Variants in IVNS1ABP observed in about 807,000 individuals in gnomAD.
IVNS1ABP encodes the protein influenza virus NS1A-binding protein.
Under a neutral mutation model 78.9 loss-of-function variants are expected in IVNS1ABP, and 25 were observed. That is an observed-to-expected ratio of 0.32 (90% CI 0.23 to 0.44). The LOEUF (loss-of-function observed/expected upper bound fraction) is 0.44. IVNS1ABP is among the 20% of genes least tolerant of loss of function. The pLI, the probability that IVNS1ABP is intolerant of heterozygous loss-of-function variation, is 1.00. For synonymous variants in IVNS1ABP, 241 were observed against 259.7 expected (o/e 0.93, Z 0.69); for missense variants, 494 against 768.9 (o/e 0.64, Z 4.23).
chr1:185,307,178 G>C, intron 6 of IVNS1ABP, 39 bp from the exon 7 acceptor site: 1 of 1,606,006 alleles, frequency 6.2e-7, no homozygotes, highest in East Asian at 2.2e-5. Context: ...TCAGTGTTGG[G>C]CTCCTAGTTC....
intron 1 of IVNS1ABP, 129 bp downstream of exon 1, chr1:185,316,824 G>C (rs1016601241): frequency 2.8e-5 from 11 of 393,196 alleles, no homozygotes; most frequent in Middle Eastern, 6.3e-4. Context: ...GCTTGGGGCT[G>C]CCTCCCCTGA....
Position 185,311,107 on chromosome 1 carries a change from T to C in IVNS1ABP, c.-31A>G, listed in dbSNP as rs9803724. On this transcript the variant is annotated 5_prime_UTR_variant, in exon 2 of 15. Transcript: ENST00000367498. The stretch of plus-strand genomic sequence containing the variant: ...AACATTCACTTACCTACTCTGTTGG[T>C]GGCAAATGTATTTCTGGGAACTCTT... 2.7e-6 allele frequency: 1 copy of C among 370,588 alleles called. No individual in the cohort carries two copies. The highest frequency in any genetic ancestry group is 4.8e-6 in the Non-Finnish European group (1 of 207,920). 23.0% of individuals were successfully genotyped at this position (370,588 alleles called of 1,614,324 possible).
intron 1 of IVNS1ABP, among the ~76,000 whole-genome samples, chr1:185,316,334 GCC>G (rs1386644358): frequency 6.6e-6 from 1 of 151,224 alleles, no homozygotes; most frequent in Non-Finnish European, 1.5e-5. Flanking sequence ...CCCTCCTCCC[GCC>G]CCCTTCTCCC....
At position 185,316,940 on chromosome 1, in the gene IVNS1ABP, C is replaced by T. The variant is rs1666049914; in HGVS notation, c.-247+13G>A. The T allele has an allele frequency of 2.5e-6, 1 of 398,358 alleles. No individual in the cohort carries two copies. Among genetic ancestry groups the T allele is most frequent in the South Asian group, 1.3e-4 (1 of 7,786 alleles). 24.7% of individuals were successfully genotyped at this position (398,358 alleles called of 1,614,324 possible). ...CTCCCTCATCTGTCGTTCGTAGAAC[C>T]AGCGCGTATTACCTGGTTCATCTCT... On this transcript the variant is annotated intron_variant, in intron 1 of 14. Coordinates refer to ENST00000367498, the MANE Select transcript of IVNS1ABP (RefSeq NM_006469.5).
Position 185,309,524 on chromosome 1 carries a change from A to T in IVNS1ABP, c.-18-13T>A. 7.6e-7 allele frequency: 1 copy of T among 1,312,722 alleles called. No homozygotes were observed. Among genetic ancestry groups the T allele is most frequent in the East Asian group, 2.3e-5 (1 of 43,352 alleles). 81.3% of individuals were successfully genotyped at this position (1,312,722 alleles called of 1,614,324 possible). A position where few individuals can be genotyped will look rare whatever the true frequency, so the allele number is the denominator to read the frequency against. On this transcript the variant is annotated splice_polypyrimidine_tract_variant and intron_variant, in intron 2 of 14. Coordinates refer to ENST00000367498, the MANE Select transcript of IVNS1ABP (RefSeq NM_006469.5). ...CTTATAAATTTGGCTAGATGATGAA[A>T]AGAAAGCTGAGTTATTTTACTTGCA...
chr1:185,296,718 G>C lies in IVNS1ABP; in HGVS notation c.*1317C>G, dbSNP rs1665428245. 6.6e-6 allele frequency: 1 copy of C among 152,080 alleles called. No individual in the cohort carries two copies. Among genetic ancestry groups the C allele is most frequent in the South Asian group, 2.1e-4 (1 of 4,816 alleles). The allele number at this position is 152,080 out of a possible 1,614,324, so 9.4% of individuals were successfully genotyped here. Reference sequence around the variant, plus strand: ...TCACCTCATCCCAGTTGGCCCATTAGGTTCCTGTGTGCTTCATCTTCTGTG... The same window carrying C: ...TCACCTCATCCCAGTTGGCCCATTACGTTCCTGTGTGCTTCATCTTCTGTG... On this transcript the variant is annotated 3_prime_UTR_variant, in exon 15 of 15. Transcript: ENST00000367498.
chr1:185,305,388 A>G lies in IVNS1ABP; in HGVS notation c.765+148T>C. 1.3e-6 allele frequency: 1 copy of G among 773,874 alleles called. No homozygotes were observed. Among genetic ancestry groups the G allele is most frequent in the Non-Finnish European group, 2.0e-6 (1 of 494,320 alleles). 47.9% of individuals were successfully genotyped at this position (773,874 alleles called of 1,614,324 possible). On this transcript the variant is annotated intron_variant, in intron 8 of 14. Coordinates refer to ENST00000367498, the MANE Select transcript of IVNS1ABP (RefSeq NM_006469.5). This position sits in a 1 kb window ranked among gnomAD's most constrained non-coding sequence, Gnocchi z 4.0. ...ATGTGGCAAAAATACTAACTCTAAG[A>G]TATGCTTGTTTTCTCCCAAAAATGT...
At chr1:185,306,574 G>A in intron 7 of IVNS1ABP, 4 of 1,273,476 alleles carry the variant, frequency 3.1e-6, no homozygotes, top group Non-Finnish European at 4.1e-6. Flanking sequence ...CAATACACTT[G>A]AGGTTTCTTC....
At chr1:185,304,041 C>T (rs1428933206) in intron 8 of IVNS1ABP, among the ~76,000 whole-genome samples, 2 of 152,102 alleles carry the variant, frequency 1.3e-5, no homozygotes, top group African/African-American at 4.8e-5. Context: ...CTCACAGATA[C>T]TCTTTGCTAA....
intron 8 of IVNS1ABP, among the ~76,000 whole-genome samples, chr1:185,303,891 C>T (rs2102816271): frequency 6.6e-6 from 1 of 152,250 alleles, no homozygotes; most frequent in South Asian, 2.1e-4. Flanking sequence ...TTCACCATTA[C>T]TAAAGTGAAT....
intron 1 of IVNS1ABP, among the ~76,000 whole-genome samples, chr1:185,315,087 A>T (rs1275335229): frequency 6.6e-6 from 1 of 152,234 alleles, no homozygotes; most frequent in Non-Finnish European, 1.5e-5. Flanking sequence ...GCACATGCAC[A>T]TGACATGGTG....
At chr1:185,306,449 G>A in intron 7 of IVNS1ABP, 3 of 1,286,438 alleles carry the variant, frequency 2.3e-6, no homozygotes, top group Non-Finnish European at 3.0e-6. Context: ...AAAACACACA[G>A]CTTTAAAGAC....
In IVNS1ABP at chr1:185,298,347, C is replaced by G; in HGVS notation, c.1676-59G>C. 1.4e-6 allele frequency: 2 copies of G among 1,463,096 alleles called. No homozygotes were observed. Among genetic ancestry groups the G allele is most frequent in the Non-Finnish European group, 1.9e-6 (2 of 1,073,392 alleles). The allele number at this position is 1,463,096 out of a possible 1,614,324, so 90.6% of individuals were successfully genotyped here. A position where few individuals can be genotyped will look rare whatever the true frequency, so the allele number is the denominator to read the frequency against. On this transcript the variant is annotated intron_variant, in intron 14 of 14. Coordinates refer to ENST00000367498, the MANE Select transcript of IVNS1ABP (RefSeq NM_006469.5). This position sits in a 1 kb window ranked among gnomAD's most constrained non-coding sequence, Gnocchi z 4.1. ...ATTAAAGTGTAATAAGGTAAAACTCCCCTAAATCTGTCTTTTGCTTAAAAA... is the reference window on the plus strand; with the variant it reads ...ATTAAAGTGTAATAAGGTAAAACTCGCCTAAATCTGTCTTTTGCTTAAAAA...
At position 185,306,410 on chromosome 1, in the gene IVNS1ABP, G is replaced by T. The variant is rs115253854; in HGVS notation, c.657+604C>A. The T allele has an allele frequency of 1.0e-3, 1,168 of 1,165,596 alleles. 14 individuals are homozygous for T. In the African/African-American group the frequency reaches 0.017, roughly 17 times the overall value. The allele number at this position is 1,165,596 out of a possible 1,614,324, so 72.2% of individuals were successfully genotyped here. A position where few individuals can be genotyped will look rare whatever the true frequency, so the allele number is the denominator to read the frequency against. The stretch of plus-strand genomic sequence containing the variant: ...TTTAAAAGTAGCCCAAGTTAAGTGA[G>T]TGACTATATGTATGAACAACACCAT... On this transcript the variant is annotated intron_variant, in intron 7 of 14. Coordinates refer to ENST00000367498, the MANE Select transcript of IVNS1ABP (RefSeq NM_006469.5).
chr1:185,300,785 G>A (rs1311618957), intron 10 of IVNS1ABP, 187 bp downstream of exon 10: 12 of 682,832 alleles, frequency 1.8e-5, no homozygotes, highest in East Asian at 1.6e-4. Context: ...ATTTAGCCAT[G>A]ACATAATTTT....
chr1:185,304,164 T>C (rs563077006), intron 8 of IVNS1ABP, among the ~76,000 whole-genome samples: 56 of 152,186 alleles, frequency 3.7e-4, no homozygotes, highest in African/African-American at 1.2e-3. Flanking sequence ...GTCCTCTCCT[T>C]TAGGCCTTTC....
rs138246957 is a variant in IVNS1ABP, at chr1:185,307,973, G to A, written c.358-311C>T. 5.0e-4 allele frequency: 776 copies of A among 1,549,964 alleles called. 10 individuals carry two copies. The East Asian group carries it at 0.016, about 32-fold the overall frequency. ...GCAGTATCTGAACTGGGCTCTACAGGAGAGATGATGTTGATGTTGAATGCA... is the reference window on the plus strand; with the variant it reads ...GCAGTATCTGAACTGGGCTCTACAGAAGAGATGATGTTGATGTTGAATGCA... On this transcript the variant is annotated intron_variant, in intron 5 of 14. Transcript: ENST00000367498.
At position 185,297,045 on chromosome 1, in the gene IVNS1ABP, GATAAACTGA is replaced by G. The variant is rs1665437888; in HGVS notation, c.*981_*989del. On this transcript the variant is annotated 3_prime_UTR_variant, in exon 15 of 15. Coordinates refer to ENST00000367498, the MANE Select transcript of IVNS1ABP (RefSeq NM_006469.5). ...CAACCAATATTTATCCATATGAACAGATAAACTGAACAAAAACATAGTTCTGATAAAACC... is the reference window on the plus strand; with the variant it reads ...CAACCAATATTTATCCATATGAACAGACAAAAACATAGTTCTGATAAAACC... 6.6e-6 allele frequency: 1 copy of G among 152,028 alleles called. No individual in the cohort carries two copies. The highest frequency in any genetic ancestry group is 2.1e-4 in the South Asian group (1 of 4,834). The allele number at this position is 152,028 out of a possible 1,614,324, so 9.4% of individuals were successfully genotyped here.
chr1:185,299,970 A>C, intron 13 of IVNS1ABP, 29 bp downstream of exon 13: 3 of 1,579,726 alleles, frequency 1.9e-6, no homozygotes, highest in Non-Finnish European at 2.6e-6. Context: ...AAGGTCTTTA[A>C]AAAAAAAAAG....
Sources: gnomAD v4.1 joint callset for allele counts (sites outside exome capture counted in the v4.1 genomes callset) on GRCh38, gnomAD v4.1.1 for gene constraint, Gnocchi (gnomAD v3.1) non-coding constraint, MANE v1.5 for transcripts, NCBI Gene and HGNC (gene_info 2026-07-23, HGNC 2026-07-21) for gene names.